ZNF500: variants seen among roughly 807,000 people sequenced by gnomAD.
ZNF500 encodes the protein zinc finger protein with KRAB and SCAN domains 18.
In ZNF500, 31 loss-of-function variants were observed where a neutral mutation model predicts 30.1. The ratio of observed to expected loss-of-function variants is 1.03; its 90% confidence interval spans 0.77 to 1.39. The LOEUF is 1.39. Among genes scored for constraint, ZNF500 ranks in the 40% most tolerant of loss-of-function variants. ZNF500 has a pLI of 0.00. For missense variants in ZNF500, 817 were observed against 657.8 expected, an observed-to-expected ratio of 1.24 and a Z score of -2.65; for synonymous variants, 392 against 282.0, an observed-to-expected ratio of 1.39 and a Z score of -3.91.
At chr16:4,754,873 C>A (rs1195261244) in intron 5 of ZNF500, among the ~76,000 whole-genome samples, 1 of 152,006 alleles carries the variant, frequency 6.6e-6, no homozygotes, top group East Asian at 1.9e-4. Context: ...GTCATGGAGG[C>A]AGATTTCTCA....
At chr16:4,753,155 T>C in intron 5 of ZNF500, 97 bp from the exon 6 acceptor site, 1 of 1,456,346 alleles carries the variant, frequency 6.9e-7, no homozygotes, top group Admixed American at 2.7e-5. Context: ...GCTCCTAAGG[T>C]TCCCCTACAA....
downstream of ZNF500, among the ~76,000 whole-genome samples, chr16:4,744,648 T>C (rs1158946765): frequency 6.6e-6 from 1 of 151,782 alleles, no homozygotes; most frequent in Non-Finnish European, 1.5e-5. Flanking sequence ...ACCAAGCCCT[T>C]GTGCCACAGG....
Position 4,752,106 on chromosome 16 carries a change from C to T in ZNF500, c.*270G>A. ...CACCTTGAGTGTCGGCTTCTGGCCT[C>T]CTGAGTGTGTCTCTGTGGCTGAAGC... On this transcript the variant is annotated 3_prime_UTR_variant, in exon 6 of 6. Transcript: ENST00000219478. The T allele has an allele frequency of 7.5e-7, 1 of 1,336,108 alleles. No homozygotes were observed. The highest frequency in any genetic ancestry group is 2.2e-5 in the South Asian group (1 of 45,106). The allele number at this position is 1,336,108 out of a possible 1,614,324, so 82.8% of individuals were successfully genotyped here. A position where few individuals can be genotyped will look rare whatever the true frequency, so the allele number is the denominator to read the frequency against.
In ZNF500 at chr16:4,752,726, G is replaced by A. The variant is rs773609414; in HGVS notation, c.1093C>T (p.Arg365Cys). 2.0e-5 allele frequency: 33 copies of A among 1,614,072 alleles called. No individual in the cohort carries two copies. Among genetic ancestry groups the A allele is most frequent in the African/African-American group, 2.7e-5 (2 of 74,938 alleles). The change falls in exon 6 of 6, where the codon CGC (arginine) becomes TGC (cysteine). Residue 365 changes from arginine to cysteine, a missense_variant. Physicochemically the swap from Arg to Cys is radical, Grantham distance 180 (BLOSUM62 -3). Coordinates refer to ENST00000219478, the MANE Select transcript of ZNF500 (RefSeq NM_021646.4). ...CTCTGGTGCGTGCTGAAGTTGGAGC[G>A]GTCGCTAAAGCCCTTCCCACAGACT... ...CLVCGKGFSD[R>C]SNFSTHQRVH... is the part of the protein sequence containing the mutation.
chr16:4,761,301 A>G (rs1012180292), intron 4 of ZNF500, among the ~76,000 whole-genome samples: 2 of 151,890 alleles, frequency 1.3e-5, no homozygotes, highest in African/African-American at 4.8e-5. Flanking sequence ...TTAGCCAGGC[A>G]TGGTGGTGGG....
chr16:4,752,925 G>C lies in ZNF500; in HGVS notation c.894C>G (p.Val298=), dbSNP rs1213845131. 2.5e-6 allele frequency: 4 copies of C among 1,613,444 alleles called. No homozygotes were observed. The Admixed American group carries it at 5.0e-5, about 20-fold the overall frequency. Reference sequence around the variant, plus strand: ...GCTGATCAGGCCTGACCAAGCCCCTGACTGGGGCTGGCCTCTGACCTGGGA... The same window carrying C: ...GCTGATCAGGCCTGACCAAGCCCCTCACTGGGGCTGGCCTCTGACCTGGGA... ...HPLPGQRPAP[V]RGLVRPDQPR... The change falls in exon 6 of 6, where the codon GTC becomes GTG. Residue 298 remains valine, a synonymous_variant. Coordinates refer to ENST00000219478, the MANE Select transcript of ZNF500 (RefSeq NM_021646.4).
In ZNF500 at chr16:4,751,392, G is replaced by GATGTCAGGCCCGTAACATCCCAGGCGAC; in HGVS notation, c.*983_*984insGTCGCCTGGGATGTTACGGGCCTGACAT. The GATGTCAGGCCCGTAACATCCCAGGCGAC allele has an allele frequency of 3.4e-6, 2 of 596,172 alleles. No individual in the cohort carries two copies. Among genetic ancestry groups the GATGTCAGGCCCGTAACATCCCAGGCGAC allele is most frequent in the Non-Finnish European group, 5.8e-6 (2 of 346,560 alleles). 36.9% of individuals were successfully genotyped at this position (596,172 alleles called of 1,614,324 possible). A position where few individuals can be genotyped will look rare whatever the true frequency, so the allele number is the denominator to read the frequency against. On this transcript the variant is annotated 3_prime_UTR_variant, in exon 6 of 6. Transcript: ENST00000219478. The stretch of plus-strand genomic sequence containing the variant: ...CAGCCCTGGGCCCCGGCCCTGGGGA[G>GATGTCAGGCCCGTAACATCCCAGGCGAC]ATGTCAGGCCCGTCACATCCCAGGC...
downstream of ZNF500, chr16:4,746,672 C>T: frequency 9.3e-7 from 1 of 1,074,272 alleles, no homozygotes; most frequent in South Asian, 1.7e-5. Context: ...CCCCCTGGGT[C>T]CCTGCAGGGA....
At chr16:4,746,586 G>A (rs2082020230), downstream of ZNF500, 4 of 1,501,860 alleles carry the variant, frequency 2.7e-6, no homozygotes, top group Non-Finnish European at 3.6e-6. Flanking sequence ...AGAGCCTCTG[G>A]TGGATCCTGA....
intron 5 of ZNF500, among the ~76,000 whole-genome samples, chr16:4,759,933 G>C (rs2082178550): frequency 6.6e-6 from 1 of 152,204 alleles, no homozygotes; most frequent in Admixed American, 6.5e-5. Flanking sequence ...CAGCTACTTG[G>C]GAGGCTGAGG....
intron 4 of ZNF500, 138 bp from the exon 5 acceptor site, chr16:4,760,726 A>C: frequency 1.4e-6 from 1 of 692,104 alleles, no homozygotes; most frequent in Non-Finnish European, 2.4e-6. Context: ...GGTCTTCTCC[A>C]CTCTCGTTGC....
rs2082071236 is a variant in ZNF500, at chr16:4,750,953, A to C, written c.*1423T>G. On this transcript the variant is annotated 3_prime_UTR_variant, in exon 6 of 6. Coordinates refer to ENST00000219478, the MANE Select transcript of ZNF500 (RefSeq NM_021646.4). Reference sequence around the variant, plus strand: ...TCGGCCTCTGACACTAAATAATGTCAGTTAAGGGAATGAGAAAAAGGGCAG... The same window carrying C: ...TCGGCCTCTGACACTAAATAATGTCCGTTAAGGGAATGAGAAAAAGGGCAG... 6.6e-6 allele frequency: 1 copy of C among 152,138 alleles called. No homozygotes were observed. Among genetic ancestry groups the C allele is most frequent in the Admixed American group, 6.6e-5 (1 of 15,240 alleles). 9.4% of individuals were successfully genotyped at this position (152,138 alleles called of 1,614,324 possible).
rs745964876 is a variant in ZNF500, at chr16:4,752,571, C to A, written c.1248G>T (p.Lys416Asn). The change falls in exon 6 of 6, where the codon AAG (lysine) becomes AAT (asparagine). Residue 416 changes from lysine (K) to asparagine (N), a missense_variant. Transcript: ENST00000219478. ...ERPYACTQCG[K>N]RFNNSSHFSA... ...TGAAGTGCGAGCTGTTGTTGAAGCG[C>A]TTCCCGCACTGGGTGCAGGCATAGG... 2 of 1,579,012 alleles carry A rather than the reference C, an allele frequency of 1.3e-6. No homozygotes were observed. Among genetic ancestry groups the A allele is most frequent in the Non-Finnish European group, 1.7e-6 (2 of 1,164,360 alleles).
chr16:4,763,528 T>G lies in ZNF500; in HGVS notation c.415-772A>C, dbSNP rs949344791. The G allele has an allele frequency of 1.3e-5, 13 of 985,048 alleles. No homozygotes were observed. In the Admixed American group the frequency reaches 2.5e-4, roughly 19 times the overall value. 61.0% of individuals were successfully genotyped at this position (985,048 alleles called of 1,614,324 possible). A position where few individuals can be genotyped will look rare whatever the true frequency, so the allele number is the denominator to read the frequency against. On this transcript the variant is annotated intron_variant, in intron 2 of 5. Transcript: ENST00000219478. ...TTAGAATTGAGCTCTGCAATAGCAC[T>G]TGGACAAGAGACATCCCTAGGCAAC... is the stretch of plus-strand genomic sequence containing the variant.
downstream of ZNF500, among the ~76,000 whole-genome samples, chr16:4,744,327 G>A (rs2142210022): frequency 6.6e-6 from 1 of 152,298 alleles, no homozygotes; most frequent in East Asian, 1.9e-4. Flanking sequence ...GTAAAGATGT[G>A]TGTTCAGAGC....
chr16:4,765,599 C>G lies in ZNF500; in HGVS notation c.380G>C (p.Gly127Ala). The G allele has an allele frequency of 6.2e-7, 1 of 1,609,694 alleles. No homozygotes were observed. Reference protein sequence around the residue: ...SGEEAVVLVEGLQRKPRKHRQ... With the variant: ...SGEEAVVLVEALQRKPRKHRQ... ...GTGTTTCCTGGGCTTCCGCTGCAGC[C>G]CTTCCACAAGGACCACGGCCTCCTC... Residue 127 changes from glycine to alanine, a missense_variant, in exon 2 of 6, where the codon GGG becomes GCG. Physicochemically the swap from Gly to Ala is moderately conservative, Grantham distance 60. Transcript: ENST00000219478.
intron 2 of ZNF500, chr16:4,763,610 C>A (rs529430137): frequency 2.0e-6 from 2 of 985,406 alleles, no homozygotes; most frequent in Admixed American, 6.1e-5. Context: ...CATTCCACAC[C>A]TCTAAGGGAG....
Position 4,752,494 on chromosome 16 carries a change from C to G in ZNF500, c.1325G>C (p.Cys442Ser), listed in dbSNP as rs767878780. ...TGEKPYTCPA[C>S]GRGFRRGTDL... is the part of the protein sequence containing the mutation. ...GGTGCCCCGGCGGAAGCCCCGGCCA[C>G]AGGCCGGGCAGGTGTAGGGCTTCTC... Residue 442 changes from cysteine to serine, a missense_variant, in exon 6 of 6, where the codon TGT becomes TCT. By Grantham distance (112) the Cys-to-Ser change is moderately radical (BLOSUM62 -1). Coordinates refer to ENST00000219478, the MANE Select transcript of ZNF500 (RefSeq NM_021646.4). 4 of 1,550,870 alleles carry G rather than the reference C, an allele frequency of 2.6e-6. No homozygotes were observed. The highest frequency in any genetic ancestry group is 1.7e-4 in the Middle Eastern group (1 of 5,978).
At chr16:4,745,628 T>G (rs1343361386), downstream of ZNF500, among the ~76,000 whole-genome samples, 8 of 152,162 alleles carry the variant, frequency 5.3e-5, no homozygotes, top group African/African-American at 1.9e-4. Flanking sequence ...TGGGTTTCTG[T>G]GTCTGGAAAC....
Sources: gnomAD v4.1 joint callset for allele counts (sites outside exome capture counted in the v4.1 genomes callset) on GRCh38, gnomAD v4.1.1 for gene constraint, MANE v1.5 for transcripts, NCBI Gene and HGNC (gene_info 2026-07-23, HGNC 2026-07-21) for gene names.